Variants in LRMDA observed in about 807,000 individuals in gnomAD.
The protein encoded by LRMDA is leucine-rich melanocyte differentiation-associated protein.
A neutral mutation model predicts 29.8 loss-of-function variants in LRMDA; 18 were observed. That is an observed-to-expected ratio of 0.60 (90% CI 0.42 to 0.90). The LOEUF (loss-of-function observed/expected upper bound fraction) is 0.90, where lower values mean the gene tolerates loss of function less well. LRMDA is among the 40% of genes least tolerant of loss of function. The pLI is 0.00. For missense variants in LRMDA, 273 were observed against 273.9 expected (o/e 1.00, Z 0.02); for synonymous variants, 125 against 109.4 (o/e 1.14, Z -0.89).
chr10:76,109,733 A>G (rs887026131), intron 5 of LRMDA, among the ~76,000 whole-genome samples: 11 of 152,208 alleles, frequency 7.2e-5, no homozygotes, highest in Non-Finnish European at 1.2e-4. Flanking sequence ...ATGTTGCTAA[A>G]TCCAATGGAC....
rs1840053658 is a variant in LRMDA, at chr10:75,544,443, T to C, written c.131+105949T>C. 2.6e-5 allele frequency among the ~76,000 whole-genome samples: 4 copies of C among 152,340 alleles called. No individual in the cohort carries two copies. In the South Asian group the frequency reaches 8.3e-4, roughly 32 times the overall value. On this transcript the variant is annotated intron_variant, in intron 2 of 6. Transcript: ENST00000611255. ...GGCTAGCCTGGGAACCTAACCATTA[T>C]AGCATTGGATCTACTGGAAAAAACC...
chr10:75,678,616 C>G (rs968618098), intron 2 of LRMDA, among the ~76,000 whole-genome samples: 5 of 152,158 alleles, frequency 3.3e-5, no homozygotes, highest in Admixed American at 3.3e-4. Context: ...ACTGGGCACT[C>G]CACAGACATG....
chr10:76,417,558 G>A (rs1053123050), intron 6 of LRMDA, among the ~76,000 whole-genome samples: 4 of 151,798 alleles, frequency 2.6e-5, no homozygotes, highest in Non-Finnish European at 5.9e-5. Flanking sequence ...CTCCATAAAG[G>A]TAGCCAACAT....
At chr10:76,289,659 T>C (rs1015960345) in intron 5 of LRMDA, among the ~76,000 whole-genome samples, 1 of 152,208 alleles carries the variant, frequency 6.6e-6, no homozygotes, top group African/African-American at 2.4e-5. Context: ...CGGTGAGGCA[T>C]TGGGCTTGGT....
intron 2 of LRMDA, among the ~76,000 whole-genome samples, chr10:75,827,955 T>C (rs1303683169): frequency 2.0e-5 from 3 of 152,154 alleles, no homozygotes; most frequent in African/African-American, 4.8e-5. Flanking sequence ...AACTACAGCA[T>C]AAGAGCCGGC....
At chr10:75,953,249 A>T (rs138780149) in intron 2 of LRMDA, among the ~76,000 whole-genome samples, 2 of 151,694 alleles carry the variant, frequency 1.3e-5, no homozygotes, top group Admixed American at 6.6e-5. Context: ...ATCGGTTTTT[A>T]AAATTTTTTA....
At chr10:75,491,845 T>G (rs779793581) in intron 2 of LRMDA, among the ~76,000 whole-genome samples, 8 of 152,192 alleles carry the variant, frequency 5.3e-5, no homozygotes, top group Non-Finnish European at 1.2e-4. Flanking sequence ...GGGAAACTCC[T>G]TCATCTTATA....
intron 2 of LRMDA, among the ~76,000 whole-genome samples, chr10:75,597,370 C>T (rs1214982041): frequency 2.0e-5 from 3 of 152,170 alleles, no homozygotes; most frequent in African/African-American, 7.2e-5. Flanking sequence ...AAACAATGGC[C>T]AGTGGCCTCA....
At chr10:76,266,773 G>T (rs1247470) in intron 5 of LRMDA, among the ~76,000 whole-genome samples, 72,286 of 151,978 alleles carry the variant, frequency 0.48, 18,058 homozygotes, top group South Asian at 0.63. Flanking sequence ...GATGAGTTTT[G>T]AGAAATGCCC....
At chr10:75,975,486 T>C (rs758765634) in intron 2 of LRMDA, among the ~76,000 whole-genome samples, 60 of 152,302 alleles carry the variant, frequency 3.9e-4, no homozygotes, top group Non-Finnish European at 6.8e-4. Flanking sequence ...TGGACCATTC[T>C]GGGCTTTCCT....
rs75813464 is a variant in LRMDA, at chr10:75,742,293, C to T, written c.132-293715C>T. On this transcript the variant is annotated intron_variant, in intron 2 of 6. Transcript: ENST00000611255. ...TGGGAATTGAGTGGGAAAGTAAATC[C>T]TTGGGAGTTGAAGCAGGCAAAGGAA... Among the ~76,000 whole-genome samples the T allele has an allele frequency of 5.4e-3, 816 of 152,246 alleles. 11 individuals carry two copies. The highest frequency in any genetic ancestry group is 0.019 in the African/African-American group (800 of 41,544).
At chr10:76,465,654 G>A (rs981455587) in intron 6 of LRMDA, among the ~76,000 whole-genome samples, 17 of 152,182 alleles carry the variant, frequency 1.1e-4, no homozygotes. Flanking sequence ...AATTGTTTAA[G>A]TAGGGTATGA....
chr10:75,679,982 C>G (rs1375016275), intron 2 of LRMDA, among the ~76,000 whole-genome samples: 3 of 152,168 alleles, frequency 2.0e-5, no homozygotes, highest in African/African-American at 7.2e-5. Context: ...AAGGCATGAG[C>G]CAGAAACGCA....
At chr10:75,731,889 GA>G (rs575794150) in intron 2 of LRMDA, among the ~76,000 whole-genome samples, 1 of 152,080 alleles carries the variant, frequency 6.6e-6, no homozygotes, top group Non-Finnish European at 1.5e-5. Context: ...TAATGACATT[GA>G]AAAAATCCGA....
chr10:75,713,427 AG>A (rs1336020150), intron 2 of LRMDA, among the ~76,000 whole-genome samples: 1 of 152,238 alleles, frequency 6.6e-6, no homozygotes, highest in Non-Finnish European at 1.5e-5. Flanking sequence ...CCACACTTAA[AG>A]GTATATTTTA....
intron 6 of LRMDA, among the ~76,000 whole-genome samples, chr10:76,481,169 A>G (rs1842729972): frequency 1.3e-5 from 2 of 151,966 alleles, no homozygotes. Context: ...AATGATATTT[A>G]AACCAAGGAG....
intron 2 of LRMDA, among the ~76,000 whole-genome samples, chr10:75,660,076 T>C (rs1450279963): frequency 6.6e-6 from 1 of 152,110 alleles, no homozygotes; most frequent in Non-Finnish European, 1.5e-5. Context: ...TCTCCCTCTC[T>C]CTCTCTCTTT....
At chr10:75,552,425 T>TTC in intron 2 of LRMDA, 2 of 241,916 alleles carry the variant, frequency 8.3e-6, no homozygotes, top group Admixed American at 5.3e-5. Flanking sequence ...TTTTTTTTTT[T>TTC]CCCCCCCCTC....
intron 2 of LRMDA, among the ~76,000 whole-genome samples, chr10:76,025,253 AT>A (rs899771116): frequency 5.6e-4 from 83 of 149,444 alleles, no homozygotes; most frequent in African/African-American, 2.0e-3. Flanking sequence ...AAGGAGAATG[AT>A]GGGAGCAAAA....
Sources: gnomAD v4.1 joint callset for allele counts (sites outside exome capture counted in the v4.1 genomes callset) on GRCh38, gnomAD v4.1.1 for gene constraint, MANE v1.5 for transcripts, NCBI Gene and HGNC (gene_info 2026-07-23, HGNC 2026-07-21) for gene names.